SLCO3A1: variants seen among roughly 807,000 people sequenced by gnomAD.
The protein encoded by SLCO3A1 is solute carrier organic anion transporter family member 3A1.
Under a neutral mutation model 63.1 loss-of-function variants are expected in SLCO3A1, and 27 were observed. The ratio of observed to expected loss-of-function variants is 0.43; its 90% CI spans 0.32 to 0.59. The LOEUF (loss-of-function observed/expected upper bound fraction) is 0.59, where lower values mean the gene tolerates loss of function less well. Among genes scored for constraint, SLCO3A1 ranks in the 20% least tolerant of loss-of-function variants. The pLI is 0.09. For synonymous variants in SLCO3A1, 473 were observed against 409.9 expected (o/e 1.15, Z -1.86); for missense variants, 773 against 945.8 (o/e 0.82, Z 2.40).
At chr15:92,037,597 G>A (rs868301782) in intron 2 of SLCO3A1, among the ~76,000 whole-genome samples, 37 of 152,234 alleles carry the variant, frequency 2.4e-4, no homozygotes, top group African/African-American at 8.2e-4. Flanking sequence ...TTTCTAAAAT[G>A]GTCTTTGCAT....
intron 1 of SLCO3A1, among the ~76,000 whole-genome samples, chr15:91,895,499 C>G (rs1263732012): frequency 6.6e-6 from 1 of 152,158 alleles, no homozygotes; most frequent in Non-Finnish European, 1.5e-5. Context: ...TCATCCAGGG[C>G]TTGCATACAA....
chr15:91,854,392 A>T lies in SLCO3A1; in HGVS notation c.180+304A>T, dbSNP rs552545628. 1,015 of 1,048,430 alleles carry T rather than the reference A, an allele frequency of 9.7e-4. 5 individuals carry two copies. The African/African-American group carries it at 0.014, about 14-fold the overall frequency. The allele number at this position is 1,048,430 out of a possible 1,614,324, so 64.9% of individuals were successfully genotyped here. On this transcript the variant is annotated intron_variant, in intron 1 of 9. Coordinates refer to ENST00000318445, the MANE Select transcript of SLCO3A1 (RefSeq NM_013272.4). The surrounding 1 kb of genome is among the most constrained non-coding windows in gnomAD (Gnocchi z 6.4). ...GGCGTGAAACTATTCCTCTCCCCCCATAAGAGCGGAGCGAGACGGTGAGTT... is the reference window on the plus strand; with the variant it reads ...GGCGTGAAACTATTCCTCTCCCCCCTTAAGAGCGGAGCGAGACGGTGAGTT...
chr15:92,097,356 C>T (rs1208007310), intron 3 of SLCO3A1, among the ~76,000 whole-genome samples: 2 of 152,226 alleles, frequency 1.3e-5, no homozygotes, highest in East Asian at 1.9e-4. Flanking sequence ...GAGAATGAAA[C>T]AGCACCTTTT....
At position 92,033,358 on chromosome 15, in the gene SLCO3A1, A is replaced by G. The variant is rs1188775146; in HGVS notation, c.647-61523A>G. Among the ~76,000 whole-genome samples, 1 of 152,176 alleles carries G rather than the reference A, an allele frequency of 6.6e-6. No individual in the cohort carries two copies. Among genetic ancestry groups the G allele is most frequent in the Non-Finnish European group, 1.5e-5 (1 of 68,022 alleles). On this transcript the variant is annotated intron_variant, in intron 2 of 9. Coordinates refer to ENST00000318445, the MANE Select transcript of SLCO3A1 (RefSeq NM_013272.4). The surrounding 1 kb of genome is among the most constrained non-coding windows in gnomAD (Gnocchi z 4.5). ...TTCTGCAACCCTCCTCTCCTCCAAG[A>G]GCAGGGTAACTTCCTCCTCTTGCAT...
chr15:91,964,812 A>G (rs1011833710), intron 2 of SLCO3A1, among the ~76,000 whole-genome samples: 6 of 151,722 alleles, frequency 4.0e-5, no homozygotes, highest in Admixed American at 6.6e-5. Context: ...CCCTTTTGCG[A>G]TGAAGAAGTG....
rs150451626 is a variant in SLCO3A1 at position 91,969,092 on chromosome 15, T to G, written c.646+52634T>G. ...ATACACCTGTGTCCCCGCTACACAC[T>G]TTGAGAGGTAAAGCTCATCTTTTCG... is the stretch of plus-strand genomic sequence containing the variant. On this transcript the variant is annotated intron_variant, in intron 2 of 9. Coordinates refer to ENST00000318445, the MANE Select transcript of SLCO3A1 (RefSeq NM_013272.4). 9.3e-4 allele frequency among the ~76,000 whole-genome samples: 142 copies of G among 152,342 alleles called. 1 individual carries two copies. In the East Asian group the frequency reaches 0.019, roughly 21 times the overall value.
intron 2 of SLCO3A1, among the ~76,000 whole-genome samples, chr15:92,012,023 A>C (rs749510141): frequency 7.9e-5 from 12 of 152,236 alleles, no homozygotes; most frequent in Non-Finnish European, 1.6e-4. Flanking sequence ...CGGGGACTGA[A>C]GCCTCAGAGG....
chr15:91,873,483 T>TA (rs1897324351), intron 1 of SLCO3A1, among the ~76,000 whole-genome samples: 1 of 151,890 alleles, frequency 6.6e-6, no homozygotes, highest in South Asian at 2.1e-4. Context: ...TAGGACTGAC[T>TA]AGTTGTTAAG....
intron 7 of SLCO3A1, among the ~76,000 whole-genome samples, chr15:92,138,374 G>A (rs2151578337): frequency 1.0e-5 from 1 of 97,866 alleles, no homozygotes; most frequent in East Asian, 3.2e-4. Flanking sequence ...TTTGGTTACT[G>A]TAGCCTTGTA....
intron 2 of SLCO3A1, among the ~76,000 whole-genome samples, chr15:91,988,991 C>G (rs1435243337): frequency 6.6e-6 from 1 of 152,110 alleles, no homozygotes. Flanking sequence ...CTAGTTTGGC[C>G]AGTCTCTTGT....
At chr15:92,064,183 G>T (rs756391948) in intron 2 of SLCO3A1, among the ~76,000 whole-genome samples, 1 of 152,200 alleles carries the variant, frequency 6.6e-6, no homozygotes, top group Non-Finnish European at 1.5e-5. Context: ...ACTTGGCTTC[G>T]AGGTCCTCCC....
At chr15:92,122,088 G>A (rs1006671465) in intron 5 of SLCO3A1, among the ~76,000 whole-genome samples, 2 of 152,166 alleles carry the variant, frequency 1.3e-5, no homozygotes, top group Non-Finnish European at 2.9e-5. Context: ...TGGTTGCTGG[G>A]ACAGGAAAGA....
At chr15:91,949,368 T>C (rs1044944831) in intron 2 of SLCO3A1, among the ~76,000 whole-genome samples, 1 of 152,104 alleles carries the variant, frequency 6.6e-6, no homozygotes, top group African/African-American at 2.4e-5. Context: ...AGAGTAACTA[T>C]ACTGTAATCC....
Position 92,126,095 on chromosome 15 carries a change from C to T in SLCO3A1, c.1209C>T (p.Ile403=). ...MTAIPCACLG[I]FLGGLLVKKL... ...CGATCCCGTGTGCTTGTCTGGGTAT[C>T]TTCCTGGGAGGTCTTTTGGTGAAGA... is the stretch of plus-strand genomic sequence containing the variant. Residue 403 remains isoleucine (I), a synonymous_variant, in exon 6 of 10, where the codon ATC becomes ATT. Transcript: ENST00000318445. 6.2e-7 allele frequency: 1 copy of T among 1,613,810 alleles called. No homozygotes were observed. The highest frequency in any genetic ancestry group is 8.5e-7 in the Non-Finnish European group (1 of 1,179,984).
At chr15:91,907,226 A>G (rs1483817220) in intron 1 of SLCO3A1, among the ~76,000 whole-genome samples, 2 of 150,848 alleles carry the variant, frequency 1.3e-5, no homozygotes, top group African/African-American at 4.9e-5. Context: ...GTTTTCTTTG[A>G]GATGGAGTCT....
intron 8 of SLCO3A1, 91 bp downstream of exon 8, chr15:92,147,250 T>C (rs1271351892): frequency 7.6e-7 from 1 of 1,322,248 alleles, no homozygotes; most frequent in Non-Finnish European, 1.0e-6. Flanking sequence ...ACAACAGGAA[T>C]CTCTCGAACC....
intron 2 of SLCO3A1, among the ~76,000 whole-genome samples, chr15:92,060,516 T>C (rs2047074280): frequency 6.6e-6 from 1 of 151,706 alleles, no homozygotes; most frequent in African/African-American, 2.4e-5. Flanking sequence ...TTTTTTTTTT[T>C]GGAGACGGAC....
Position 91,859,149 on chromosome 15 carries a change from T to G in SLCO3A1, c.180+5061T>G, listed in dbSNP as rs1281726695. On this transcript the variant is annotated intron_variant, in intron 1 of 9. Coordinates refer to ENST00000318445, the MANE Select transcript of SLCO3A1 (RefSeq NM_013272.4). The surrounding 1 kb of genome is among the most constrained non-coding windows in gnomAD (Gnocchi z 5.1). Reference sequence around the variant, plus strand: ...ATACAATGAATATTGTATGCCATACTTTTTGAAGGTGCGAAGGGACATTTC... The same window carrying G: ...ATACAATGAATATTGTATGCCATACGTTTTGAAGGTGCGAAGGGACATTTC... 6.6e-6 allele frequency among the ~76,000 whole-genome samples: 1 copy of G among 152,256 alleles called. No homozygotes were observed. Among genetic ancestry groups the G allele is most frequent in the African/African-American group, 2.4e-5 (1 of 41,472 alleles).
At position 91,865,989 on chromosome 15, in the gene SLCO3A1, T is replaced by G. The variant is rs760083138; in HGVS notation, c.180+11901T>G. On this transcript the variant is annotated intron_variant, in intron 1 of 9. Coordinates refer to ENST00000318445, the MANE Select transcript of SLCO3A1 (RefSeq NM_013272.4). The surrounding 1 kb of genome is among the most constrained non-coding windows in gnomAD (Gnocchi z 4.6). ...TTGTTGGATATTCGTAAGAGAGTCG[T>G]TCATACCCAAAGATATCATTTCAAT... is the stretch of plus-strand genomic sequence containing the variant. 2.0e-5 allele frequency among the ~76,000 whole-genome samples: 3 copies of G among 152,146 alleles called. No homozygotes were observed. Among genetic ancestry groups the G allele is most frequent in the Non-Finnish European group, 4.4e-5 (3 of 68,024 alleles).
Sources: allele counts gnomAD v4.1 joint callset (sites outside exome capture counted in the v4.1 genomes callset), GRCh38; gene constraint gnomAD v4.1.1; non-coding constraint Gnocchi (gnomAD v3.1); transcripts MANE v1.5; gene names NCBI Gene and HGNC (gene_info 2026-07-23, HGNC 2026-07-21).